Variants in PTPRO observed in about 807,000 individuals in gnomAD.
The protein encoded by PTPRO is receptor-type tyrosine-protein phosphatase O.
Under a neutral mutation model 145.2 loss-of-function variants are expected in PTPRO, and 62 were observed. The ratio of observed to expected loss-of-function variants is 0.43; its 90% CI spans 0.35 to 0.53. The LOEUF (loss-of-function observed/expected upper bound fraction) is 0.53. Among genes scored for constraint, PTPRO ranks in the 20% least tolerant of loss-of-function variants. The pLI, the probability that PTPRO is intolerant of heterozygous loss-of-function variation, is 0.01. For missense variants in PTPRO, 1,345 were observed against 1,482.7 expected (o/e 0.91, Z 1.53); for synonymous variants, 565 against 514.7 (o/e 1.10, Z -1.32).
intron 1 of PTPRO, among the ~76,000 whole-genome samples, chr12:15,375,108 T>C (rs1938641708): frequency 6.6e-6 from 1 of 152,236 alleles, no homozygotes; most frequent in Admixed American, 6.5e-5. Flanking sequence ...ACTTCAGTTG[T>C]TGCCCAATAG....
At chr12:15,434,066 G>A (rs752574698) in intron 1 of PTPRO, among the ~76,000 whole-genome samples, 9 of 152,076 alleles carry the variant, frequency 5.9e-5, no homozygotes, top group Non-Finnish European at 1.0e-4. Flanking sequence ...CATATCTTGG[G>A]TTCTTTTTAT....
chr12:15,336,775 T>C (rs1866777721), intron 1 of PTPRO, among the ~76,000 whole-genome samples: 1 of 152,222 alleles, frequency 6.6e-6, no homozygotes, highest in African/African-American at 2.4e-5. Flanking sequence ...CAGGTCAGCC[T>C]ACGCCCAGCC....
intron 1 of PTPRO, among the ~76,000 whole-genome samples, chr12:15,331,654 G>C (rs1158091891): frequency 6.6e-6 from 1 of 152,176 alleles, no homozygotes; most frequent in African/African-American, 2.4e-5. Flanking sequence ...GCAAAGTGAA[G>C]TCAAAGAGGT....
chr12:15,414,851 A>C (rs1939901779), intron 1 of PTPRO, among the ~76,000 whole-genome samples: 1 of 152,200 alleles, frequency 6.6e-6, no homozygotes, highest in Non-Finnish European at 1.5e-5. Context: ...ATCACCTAAT[A>C]GAGTCTCTTA....
At chr12:15,387,111 A>G (rs1939050784) in intron 1 of PTPRO, among the ~76,000 whole-genome samples, 1 of 152,180 alleles carries the variant, frequency 6.6e-6, no homozygotes, top group Admixed American at 6.5e-5. Context: ...AGCAACCTCA[A>G]GAAAAATTAT....
intron 17 of PTPRO, among the ~76,000 whole-genome samples, chr12:15,563,311 A>G (rs1351114881): frequency 7.3e-6 from 1 of 136,070 alleles, no homozygotes; most frequent in Non-Finnish European, 1.7e-5. Flanking sequence ...TCACTGTAAC[A>G]TGTGCACATA....
At chr12:15,339,152 C>T (rs1382315715) in intron 1 of PTPRO, among the ~76,000 whole-genome samples, 2 of 152,090 alleles carry the variant, frequency 1.3e-5, no homozygotes, top group Non-Finnish European at 2.9e-5. Context: ...GCACTGATTT[C>T]ATGAAGGAAG....
At position 15,513,096 on chromosome 12, in the gene PTPRO, A is replaced by AAAG. The variant is rs1475872157; in HGVS notation, c.1465-2399_1465-2397dup. ...GGAAAGAAAGAAAGAAAGAAAGAAG[A>AAAG]AAGAAAGAAAGAAAGGAAGGAAGGA... On this transcript the variant is annotated intron_variant, in intron 7 of 26. Coordinates refer to ENST00000281171, the MANE Select transcript of PTPRO (RefSeq NM_030667.3). 1.9e-3 allele frequency among the ~76,000 whole-genome samples: 37 copies of AAAG among 19,576 alleles called. 3 individuals carry two copies. The highest frequency in any genetic ancestry group is 4.4e-3 in the South Asian group (1 of 226). The allele number at this position is 19,576 out of a possible 152,430, so 12.8% of individuals were successfully genotyped here. A position where few individuals can be genotyped will look rare whatever the true frequency, so the allele number is the denominator to read the frequency against.
intron 12 of PTPRO, among the ~76,000 whole-genome samples, chr12:15,541,055 G>A (rs1175716727): frequency 1.3e-5 from 2 of 152,126 alleles, no homozygotes; most frequent in Non-Finnish European, 2.9e-5. Context: ...TATGAAAATG[G>A]TATGTCTATC....
At chr12:15,590,552 C>T (rs898366148) in intron 25 of PTPRO, among the ~76,000 whole-genome samples, 2 of 152,186 alleles carry the variant, frequency 1.3e-5, no homozygotes, top group African/African-American at 4.8e-5. Flanking sequence ...ACTTCAAAAG[C>T]CTAGAGTAAT....
intron 1 of PTPRO, chr12:15,439,661 T>C: frequency 2.4e-6 from 1 of 421,806 alleles, no homozygotes; most frequent in Non-Finnish European, 4.7e-6. Flanking sequence ...GAGCTGGGGC[T>C]GAGGCCACGG....
intron 2 of PTPRO, among the ~76,000 whole-genome samples, chr12:15,485,583 G>A (rs937729741): frequency 2.0e-5 from 3 of 151,984 alleles, no homozygotes; most frequent in Non-Finnish European, 4.4e-5. Flanking sequence ...AGACCCGGGG[G>A]GAAAAATTAA....
At chr12:15,458,021 C>G (rs1941218601) in intron 1 of PTPRO, among the ~76,000 whole-genome samples, 1 of 152,182 alleles carries the variant, frequency 6.6e-6, no homozygotes, top group Non-Finnish European at 1.5e-5. Context: ...CTCCCTTAAG[C>G]ATTTCTTGTA....
chr12:15,415,640 C>T lies in PTPRO; in HGVS notation c.76-68334C>T, dbSNP rs1225594448. Among the ~76,000 whole-genome samples the T allele has an allele frequency of 2.0e-5, 3 of 151,766 alleles. 1 individual carries two copies. Among genetic ancestry groups the T allele is most frequent in the African/African-American group, 7.3e-5 (3 of 41,016 alleles). ...GACCTTGTGATCCGCCCACCCTGGCCTCCCAAAGTGCTGGGATTACAGGCG... is the reference window on the plus strand; with the variant it reads ...GACCTTGTGATCCGCCCACCCTGGCTTCCCAAAGTGCTGGGATTACAGGCG... On this transcript the variant is annotated intron_variant, in intron 1 of 26. Coordinates refer to ENST00000281171, the MANE Select transcript of PTPRO (RefSeq NM_030667.3).
At chr12:15,529,625 G>C (rs1942916218) in intron 12 of PTPRO, among the ~76,000 whole-genome samples, 1 of 152,114 alleles carries the variant, frequency 6.6e-6, no homozygotes, top group Non-Finnish European at 1.5e-5. Context: ...ACTCCAGCCT[G>C]CATGACAGAG....
chr12:15,473,237 G>A (rs2136420010), intron 1 of PTPRO, among the ~76,000 whole-genome samples: 1 of 152,312 alleles, frequency 6.6e-6, no homozygotes, highest in South Asian at 2.1e-4. Flanking sequence ...CTGTGTCTGT[G>A]AGTTTGCCTC....
At chr12:15,422,597 C>G (rs1218920110) in intron 1 of PTPRO, among the ~76,000 whole-genome samples, 1 of 152,034 alleles carries the variant, frequency 6.6e-6, no homozygotes, top group Non-Finnish European at 1.5e-5. Context: ...TCATTTTTCA[C>G]AGAGGAAATT....
chr12:15,329,347 C>T (rs967608824), intron 1 of PTPRO, among the ~76,000 whole-genome samples: 1 of 152,162 alleles, frequency 6.6e-6, no homozygotes, highest in Non-Finnish European at 1.5e-5. Flanking sequence ...TTTTCAGTGC[C>T]CTTTGTATCT....
At chr12:15,395,799 CAATT>C (rs1170537491) in intron 1 of PTPRO, among the ~76,000 whole-genome samples, 2 of 131,276 alleles carry the variant, frequency 1.5e-5, no homozygotes, top group East Asian at 4.2e-4. Context: ...CAGCACTGGA[CAATT>C]AAAGATCACA....
Sources: gnomAD v4.1 joint callset for allele counts (sites outside exome capture counted in the v4.1 genomes callset) on GRCh38, gnomAD v4.1.1 for gene constraint, MANE v1.5 for transcripts, NCBI Gene and HGNC (gene_info 2026-07-23, HGNC 2026-07-21) for gene names.